The following THBS4 variants were observed in gnomAD, a reference collection of about 807,000 sequenced individuals.
The protein encoded by THBS4 is thrombospondin-4.
A neutral mutation model predicts 115.7 loss-of-function variants in THBS4; 90 were observed. The observed-to-expected ratio is 0.78, with a 90% CI of 0.66 to 0.93. The LOEUF (loss-of-function observed/expected upper bound fraction) is 0.93, where lower values mean the gene tolerates loss of function less well. Among genes scored for constraint, THBS4 ranks in the 40% least tolerant of loss-of-function variants. The pLI is 0.00. For missense variants in THBS4, 1,087 were observed against 1,232.7 expected (o/e 0.88, Z 1.77); for synonymous variants, 460 against 479.3 (o/e 0.96, Z 0.53).
At chr5:80,071,254 A>AATAG (rs1451424025) in intron 13 of THBS4, 74 bp downstream of exon 13, 138 of 1,510,736 alleles carry the variant, frequency 9.1e-5, no homozygotes, top group Non-Finnish European at 1.1e-4. Flanking sequence ...AGAGAGTAGG[A>AATAG]ATAGAATGAC....
intron 2 of THBS4, among the ~76,000 whole-genome samples, chr5:80,048,632 ATGTGTGTGTGTGTGTG>A (rs56183875): frequency 6.8e-6 from 1 of 147,274 alleles, no homozygotes; most frequent in East Asian, 2.0e-4. Context: ...CACTAGATAG[ATGTGTGTGTGTGTGTG>A]TGTGTGTGTG....
intron 13 of THBS4, among the ~76,000 whole-genome samples, 185 bp downstream of exon 13, chr5:80,071,365 AC>A: frequency 6.6e-6 from 1 of 152,160 alleles, no homozygotes; most frequent in Non-Finnish European, 1.5e-5. Flanking sequence ...AGCCCACTCC[AC>A]TACCTAATGG....
At chr5:80,016,281 C>T (rs1832248420) in intron 2 of THBS4, among the ~76,000 whole-genome samples, 1 of 152,196 alleles carries the variant, frequency 6.6e-6, no homozygotes, top group African/African-American at 2.4e-5. Flanking sequence ...TATATGTGCT[C>T]AGCTGGCAAA....
At position 80,056,812 on chromosome 5, in the gene THBS4, C is replaced by A. The variant is rs372447125; in HGVS notation, c.540+780C>A. 9.2e-5 allele frequency among the ~76,000 whole-genome samples: 14 copies of A among 152,296 alleles called. No homozygotes were observed. The East Asian group carries it at 1.9e-3, about 21-fold the overall frequency. Reference sequence around the variant, plus strand: ...TCCATATTATTTTTGTCTGCTACCTCTCAATCCTCACTTTCCATTTGTTAA... The same window carrying A: ...TCCATATTATTTTTGTCTGCTACCTATCAATCCTCACTTTCCATTTGTTAA... On this transcript the variant is annotated intron_variant, in intron 3 of 21. Coordinates refer to ENST00000350881, the MANE Select transcript of THBS4 (RefSeq NM_003248.6).
At chr5:80,052,469 C>T (rs556000454) in intron 2 of THBS4, 1 of 152,226 alleles carries the variant, frequency 6.6e-6, no homozygotes, top group East Asian at 1.9e-4. Flanking sequence ...CATTTATATA[C>T]GTCTTACCAT....
chr5:80,053,207 CCTT>C (rs1319295978), intron 2 of THBS4: 2 of 151,910 alleles, frequency 1.3e-5, no homozygotes, highest in East Asian at 3.9e-4. Flanking sequence ...CCTATAACCT[CCTT>C]TTTTTTTTAC....
At chr5:80,054,116 G>T (rs1333114117) in intron 2 of THBS4, among the ~76,000 whole-genome samples, 3 of 151,490 alleles carry the variant, frequency 2.0e-5, no homozygotes, top group African/African-American at 7.3e-5. Context: ...AAATAAGGTG[G>T]GAGTCCTTCT....
At chr5:80,078,027 G>A (rs760478305) in intron 16 of THBS4, 22 bp from the exon 17 acceptor site, 14 of 1,549,074 alleles carry the variant, frequency 9.0e-6, no homozygotes, top group Non-Finnish European at 1.8e-6. Context: ...TTGAGCTCCT[G>A]TCCTTTCTCC....
chr5:79,993,060 G>T (rs1831718731), intron 1 of THBS4, among the ~76,000 whole-genome samples: 1 of 152,224 alleles, frequency 6.6e-6, no homozygotes, highest in African/African-American at 2.4e-5. Context: ...AGCCTTGTTT[G>T]TAGCAGGACT....
At position 80,017,268 on chromosome 5, in the gene THBS4, T is replaced by G. The variant is rs539458678; in HGVS notation, n.177+18841T>G. Among the ~76,000 whole-genome samples, 5 of 152,292 alleles carry G rather than the reference T, an allele frequency of 3.3e-5. No homozygotes were observed. The East Asian group carries it at 9.6e-4, about 29-fold the overall frequency. On this transcript the variant is annotated intron_variant and non_coding_transcript_variant, in intron 2 of 3. Transcript: ENST00000510218. ...AAAGCTTTTTCTTGGCACTCGAATC[T>G]GAAAGAAATTTTTTATTTAGATAAG...
intron 2 of THBS4, among the ~76,000 whole-genome samples, chr5:80,024,739 T>C (rs1226825197): frequency 6.6e-6 from 1 of 152,162 alleles, no homozygotes; most frequent in South Asian, 2.1e-4. Context: ...AAAACTGAGT[T>C]TTTGGCTTCA....
rs144647181 is a variant in THBS4, at chr5:79,994,956, G to A, written n.82-3376G>A. 1.4e-4 allele frequency among the ~76,000 whole-genome samples: 21 copies of A among 152,346 alleles called. No homozygotes were observed. The East Asian group carries it at 3.5e-3, about 25-fold the overall frequency. On this transcript the variant is annotated intron_variant and non_coding_transcript_variant, in intron 1 of 3. Transcript: ENST00000510218. ...AGAAGATGATAGCTGATCTCGAAGG[G>A]TGGGTACGTTGCATTTAGATTGGCA...
Position 80,070,213 on chromosome 5 carries a change from G to C in THBS4, c.1348-93G>C. ...CTGAGTGACTCTGGGCCCTCCCCCT[G>C]GGATTGAGCAAAGGAGCAGAGAGGC... On this transcript the variant is annotated intron_variant, in intron 10 of 21. Transcript: ENST00000350881. The C allele has an allele frequency of 2.8e-6, 3 of 1,064,974 alleles. No individual in the cohort carries two copies. In the South Asian group the frequency reaches 4.7e-5, roughly 17 times the overall value. The allele number at this position is 1,064,974 out of a possible 1,614,324, so 66.0% of individuals were successfully genotyped here.
chr5:80,082,181 C>G (rs916824460), intron 20 of THBS4: 3 of 447,390 alleles, frequency 6.7e-6, no homozygotes, highest in Non-Finnish European at 1.2e-5. Context: ...CCCCCACCCC[C>G]CTCCACACAC....
intron 2 of THBS4, among the ~76,000 whole-genome samples, chr5:80,006,937 A>G (rs1341119877): frequency 6.6e-6 from 1 of 152,246 alleles, no homozygotes; most frequent in Admixed American, 6.5e-5. Flanking sequence ...CTGTTCATTC[A>G]TTTAATAAAC....
intron 2 of THBS4, among the ~76,000 whole-genome samples, chr5:80,041,579 C>T (rs1446706223): frequency 2.0e-5 from 3 of 152,178 alleles, no homozygotes; most frequent in Non-Finnish European, 2.9e-5. Context: ...TCTCCCTGTG[C>T]GTGCCAATTT....
At chr5:80,043,801 G>A (rs748325713) in intron 2 of THBS4, among the ~76,000 whole-genome samples, 8 of 152,138 alleles carry the variant, frequency 5.3e-5, no homozygotes, top group Middle Eastern at 3.2e-3. Context: ...AACATAATTT[G>A]GATCAAGATA....
chr5:80,056,162 C>T, intron 3 of THBS4, 130 bp downstream of exon 3: 1 of 1,171,314 alleles, frequency 8.5e-7, no homozygotes. Context: ...TCAGAATCAC[C>T]TGCGGAGCTT....
intron 13 of THBS4, 147 bp downstream of exon 13, chr5:80,071,327 G>A (rs1303048166): frequency 2.9e-6 from 4 of 1,383,330 alleles, no homozygotes; most frequent in East Asian, 5.1e-5. Flanking sequence ...ACCCAAGGTG[G>A]ACTTGTGTCT....
Sources: gnomAD v4.1 joint callset for allele counts (sites outside exome capture counted in the v4.1 genomes callset) on GRCh38, gnomAD v4.1.1 for gene constraint, MANE v1.5 for transcripts, NCBI Gene and HGNC (gene_info 2026-07-23, HGNC 2026-07-21) for gene names.